The following MMP20 variants were observed in gnomAD, a reference collection of about 807,000 sequenced individuals.
MMP20 encodes matrix metalloproteinase-20.
MMP20 carries 50 observed loss-of-function variants against 51.8 expected under a neutral mutation model. The observed-to-expected ratio is 0.97, with a 90% CI of 0.77 to 1.22. The LOEUF is 1.22. Among genes scored for constraint, MMP20 ranks in the 50% most tolerant of loss-of-function variants. The pLI, the probability that MMP20 is intolerant of heterozygous loss-of-function variation, is 0.00. For missense variants in MMP20, 663 were observed against 601.4 expected, an observed-to-expected ratio of 1.10 and a Z score of -1.07; for synonymous variants, 244 against 216.2, an observed-to-expected ratio of 1.13 and a Z score of -1.13.
intron 2 of MMP20, among the ~76,000 whole-genome samples, chr11:102,613,834 CATA>C (rs1476725103): frequency 1.3e-5 from 2 of 152,210 alleles, no homozygotes; most frequent in African/African-American, 4.8e-5. Context: ...AAGCCCACTG[CATA>C]ATATGAGTCT....
intron 9 of MMP20, 36 bp from the exon 10 acceptor site, chr11:102,577,462 A>T (rs753004817): frequency 7.3e-7 from 1 of 1,368,922 alleles, no homozygotes; most frequent in African/African-American, 1.4e-5. Flanking sequence ...GTTACTGAAG[A>T]TGTCCAGCAC....
chr11:102,609,852 G>A (rs1337803772), intron 4 of MMP20, 53 bp downstream of exon 4: 8 of 1,612,196 alleles, frequency 5.0e-6, no homozygotes, highest in Non-Finnish European at 6.8e-6. Context: ...TCATGATGGA[G>A]CCCAGAAGAA....
intron 1 of MMP20, among the ~76,000 whole-genome samples, chr11:102,619,020 A>T (rs1169726737): frequency 6.6e-6 from 1 of 152,190 alleles, no homozygotes; most frequent in African/African-American, 2.4e-5. Context: ...GGGAGAGGGA[A>T]CATGGGGTGC....
chr11:102,584,437 A>C (rs990586020), intron 8 of MMP20, among the ~76,000 whole-genome samples: 1 of 152,152 alleles, frequency 6.6e-6, no homozygotes, highest in African/African-American at 2.4e-5. Flanking sequence ...TGTTGGAGAA[A>C]TGGCTATTCA....
intron 6 of MMP20, among the ~76,000 whole-genome samples, chr11:102,596,113 A>T (rs1461486968): frequency 6.6e-6 from 1 of 152,236 alleles, no homozygotes; most frequent in Admixed American, 6.5e-5. Context: ...GTAGAGACTG[A>T]TTAGTAACGA....
At chr11:102,604,191 G>A (rs1004814166) in intron 6 of MMP20, among the ~76,000 whole-genome samples, 2 of 152,078 alleles carry the variant, frequency 1.3e-5, no homozygotes, top group Non-Finnish European at 2.9e-5. Flanking sequence ...CTGAATGAGT[G>A]CTACATGCTA....
intron 6 of MMP20, among the ~76,000 whole-genome samples, chr11:102,604,906 T>G (rs1859494494): frequency 6.6e-6 from 1 of 152,222 alleles, no homozygotes. Flanking sequence ...GTACAATATC[T>G]AGCTCTCTAT....
intron 6 of MMP20, among the ~76,000 whole-genome samples, chr11:102,601,128 T>A (rs372788937): frequency 3.6e-3 from 66 of 18,540 alleles, no homozygotes; most frequent in South Asian, 8.4e-3. Flanking sequence ...GGCTATTCTT[T>A]TTTTTTTTTT....
chr11:102,624,316 T>C (rs905695596), intron 1 of MMP20, among the ~76,000 whole-genome samples: 3 of 151,278 alleles, frequency 2.0e-5, no homozygotes, highest in African/African-American at 7.3e-5. Context: ...TATCTTTCAC[T>C]AATGTTGGAA....
At chr11:102,588,686 T>C (rs1218328352) in intron 8 of MMP20, among the ~76,000 whole-genome samples, 2 of 152,244 alleles carry the variant, frequency 1.3e-5, no homozygotes, top group Non-Finnish European at 2.9e-5. Flanking sequence ...CTACTGATGC[T>C]CTCTGGATTT....
chr11:102,600,734 G>A (rs1474347409), intron 6 of MMP20, among the ~76,000 whole-genome samples: 2 of 151,920 alleles, frequency 1.3e-5, no homozygotes, highest in South Asian at 2.1e-4. Flanking sequence ...TGATCCACTC[G>A]CCGCCTCTCC....
At chr11:102,620,651 G>A (rs1160235659) in intron 1 of MMP20, among the ~76,000 whole-genome samples, 1 of 152,176 alleles carries the variant, frequency 6.6e-6, no homozygotes, top group Non-Finnish European at 1.5e-5. Flanking sequence ...CTTATTCCGT[G>A]CATTTTCCTA....
chr11:102,609,833 C>T (rs1859572456), intron 4 of MMP20, 72 bp downstream of exon 4: 2 of 1,608,112 alleles, frequency 1.2e-6, no homozygotes, highest in Non-Finnish European at 1.7e-6. Flanking sequence ...GACGTTGAAC[C>T]TCAAGGTTTC....
rs1247720916 is a variant in MMP20 at position 102,601,256 on chromosome 11, C to A, written c.953+5279G>T. ...CACGCCATTCTCCTGCCTCAGCCTC[C>A]CAAGTAGCTGGGACTACAGGCGCCC... On this transcript the variant is annotated intron_variant, in intron 6 of 9. Transcript: ENST00000260228. Among the ~76,000 whole-genome samples, 3 of 81,746 alleles carry A rather than the reference C, an allele frequency of 3.7e-5. No homozygotes were observed. The South Asian group carries it at 1.9e-3, about 51-fold the overall frequency. 53.6% of individuals were successfully genotyped at this position (81,746 alleles called of 152,430 possible). A position where few individuals can be genotyped will look rare whatever the true frequency, so the allele number is the denominator to read the frequency against.
chr11:102,616,763 G>C (rs1308005817), intron 2 of MMP20, 49 bp downstream of exon 2: 1 of 1,607,660 alleles, frequency 6.2e-7, no homozygotes, highest in Admixed American at 1.7e-5. Context: ...AAGGGAAAAA[G>C]AGAGAGGTGG....
rs545618865 is a variant in MMP20 at position 102,577,413 on chromosome 11, G to A, written c.1365C>T (p.Phe455=). Residue 455 remains phenylalanine (F), a synonymous_variant, in exon 10 of 10, where the codon TTC becomes TTT. Transcript: ENST00000260228. ...ACTTGTATGTTTTTGGTCCTGAAAA[G>A]AAGTAAATGTAGCCTAAAAGAGACA... The part of the protein sequence containing the change: ...AAVELNGYIY[F]FSGPKTYKYD... 6.2e-7 allele frequency: 1 copy of A among 1,613,002 alleles called. No homozygotes were observed. Among genetic ancestry groups the A allele is most frequent in the African/African-American group, 1.3e-5 (1 of 75,020 alleles).
chr11:102,581,596 T>C (rs745729995), intron 8 of MMP20, among the ~76,000 whole-genome samples: 7 of 152,124 alleles, frequency 4.6e-5, no homozygotes, highest in Non-Finnish European at 8.8e-5. Flanking sequence ...AATTGAAGAA[T>C]GAAAATATGT....
chr11:102,592,875 C>T (rs1784442), intron 8 of MMP20, among the ~76,000 whole-genome samples: 77,223 of 151,982 alleles, frequency 0.51, 20,207 homozygotes, highest in South Asian at 0.67. Flanking sequence ...CAGATGACAT[C>T]TGATTCAGAC....
At position 102,624,401 on chromosome 11, in the gene MMP20, CATATATATATATATATATATAT is replaced by C. The variant is rs58212685; in HGVS notation, c.126+771_126+792del. ...TTTAAAAACAAAACACGCTTGGAAG[CATATATATATATATATATATAT>C]ATATATATATATATATATATATATG... On this transcript the variant is annotated intron_variant, in intron 1 of 9. Transcript: ENST00000260228. 1.1e-3 allele frequency among the ~76,000 whole-genome samples: 153 copies of C among 140,266 alleles called. 1 individual carries two copies. The highest frequency in any genetic ancestry group is 4.4e-3 in the Admixed American group (61 of 13,900). The allele number at this position is 140,266 out of a possible 152,430, so 92.0% of individuals were successfully genotyped here. A position where few individuals can be genotyped will look rare whatever the true frequency, so the allele number is the denominator to read the frequency against.
Sources: gnomAD v4.1 joint callset for allele counts (sites outside exome capture counted in the v4.1 genomes callset) on GRCh38, gnomAD v4.1.1 for gene constraint, MANE v1.5 for transcripts, NCBI Gene and HGNC (gene_info 2026-07-23, HGNC 2026-07-21) for gene names.